The following FAM20C variants were observed in gnomAD, a reference collection of about 807,000 sequenced individuals.
FAM20C encodes the protein FAM20C golgi associated secretory pathway kinase.
FAM20C carries 40 observed loss-of-function variants against 51.5 expected under a neutral mutation model. The observed-to-expected ratio is 0.78, with a 90% CI of 0.60 to 1.01. FAM20C has a LOEUF of 1.01. Among genes scored for constraint, FAM20C ranks in the 50% least tolerant of loss-of-function variants. The pLI is 0.00. For missense variants in FAM20C, 861 were observed against 844.7 expected, an observed-to-expected ratio of 1.02 and a Z score of -0.24; for synonymous variants, 406 against 380.6, an observed-to-expected ratio of 1.07 and a Z score of -0.78.
At chr7:196,131 G>A (rs964222421) in intron 2 of FAM20C, among the ~76,000 whole-genome samples, 8 of 152,186 alleles carry the variant, frequency 5.3e-5, no homozygotes, top group African/African-American at 1.4e-4. Context: ...TTCTACACAC[G>A]ACCCTGGCTG....
At chr7:211,412 C>G (rs1373107981) in intron 3 of FAM20C, among the ~76,000 whole-genome samples, 2 of 151,272 alleles carry the variant, frequency 1.3e-5, no homozygotes, top group East Asian at 3.9e-4. Context: ...ACCTCCTCCA[C>G]CTCTTCCTCC....
chr7:234,142 G>T (rs1178326145), intron 3 of FAM20C, among the ~76,000 whole-genome samples: 1 of 152,236 alleles, frequency 6.6e-6, no homozygotes, highest in Non-Finnish European at 1.5e-5. Flanking sequence ...TGACGCCTGT[G>T]GGGCCTTCCT....
At chr7:204,527 G>C (rs989282231) in intron 2 of FAM20C, among the ~76,000 whole-genome samples, 1 of 152,252 alleles carries the variant, frequency 6.6e-6, no homozygotes, top group African/African-American at 2.4e-5. Context: ...CGGGGTGTGA[G>C]CTGTGAGCTC....
rs368818101 is a variant in FAM20C, at chr7:258,141, A to C, written c.1446-505A>C. On this transcript the variant is annotated intron_variant, in intron 8 of 9. Coordinates refer to ENST00000313766, the MANE Select transcript of FAM20C (RefSeq NM_020223.4). ...GGAGATAGGCGGGGTGGACCCACTG[A>C]CTGGGGTGCTGGAGATAGGCAGGGT... 1.0e-2 allele frequency among the ~76,000 whole-genome samples: 312 copies of C among 31,270 alleles called. 1 individual carries two copies. The highest frequency in any genetic ancestry group is 0.021 in the African/African-American group (173 of 8,234). The allele number at this position is 31,270 out of a possible 152,430, so 20.5% of individuals were successfully genotyped here. A position where few individuals can be genotyped will look rare whatever the true frequency, so the allele number is the denominator to read the frequency against.
chr7:229,658 A>G (rs983082714), intron 3 of FAM20C: 2 of 152,324 alleles, frequency 1.3e-5, no homozygotes, highest in African/African-American at 4.8e-5. Flanking sequence ...ATGGGCAGGA[A>G]GCGTGGACCG....
intron 5 of FAM20C, among the ~76,000 whole-genome samples, chr7:251,082 C>T (rs1788377221): frequency 5.3e-5 from 8 of 152,202 alleles, no homozygotes; most frequent in Admixed American, 5.2e-4. Flanking sequence ...TCCGGAACTC[C>T]TCATTTTGTT....
In FAM20C at chr7:258,294, CTGGAGATGGGT is replaced by C. The variant is rs1562401809; in HGVS notation, c.1446-351_1446-341del. Among the ~76,000 whole-genome samples the C allele has an allele frequency of 2.9e-3, 324 of 110,798 alleles. 44 individuals are homozygous for C. The highest frequency in any genetic ancestry group is 0.01 in the African/African-American group (253 of 24,790). 72.7% of individuals were successfully genotyped at this position (110,798 alleles called of 152,430 possible). A position where few individuals can be genotyped will look rare whatever the true frequency, so the allele number is the denominator to read the frequency against. ...CAGGGTGGACCCACTGCCTGGGGTGCTGGAGATGGGTGGGATGGACCCACTGCCCGGGGTGC... is the reference window on the plus strand; with the variant it reads ...CAGGGTGGACCCACTGCCTGGGGTGCGGGATGGACCCACTGCCCGGGGTGC... On this transcript the variant is annotated intron_variant, in intron 8 of 9. Transcript: ENST00000313766.
chr7:196,995 G>A (rs75876824), intron 2 of FAM20C: 4,900 of 154,690 alleles, frequency 0.032, 103 homozygotes, highest in African/African-American at 0.033. Flanking sequence ...CCCCTGCAGC[G>A]GTCTGAGGGC....
rs141104417 is a variant in FAM20C, at chr7:255,768, C to A, written c.1073-81C>A. 43,323 of 1,476,186 alleles carry A rather than the reference C, an allele frequency of 0.029. 777 individuals are homozygous for A. Among genetic ancestry groups the A allele is most frequent in the Middle Eastern group, 0.043 (245 of 5,732 alleles). The allele number at this position is 1,476,186 out of a possible 1,614,324, so 91.4% of individuals were successfully genotyped here. A position where few individuals can be genotyped will look rare whatever the true frequency, so the allele number is the denominator to read the frequency against. On this transcript the variant is annotated intron_variant, in intron 5 of 9. Transcript: ENST00000313766. ...ATGAGAAGCACCAGGCAGAGCCCGG[C>A]CCGGCCTTGGGGGCCGTGAGACCAC...
At chr7:251,813 C>T (rs1788413384) in intron 5 of FAM20C, among the ~76,000 whole-genome samples, 1 of 152,172 alleles carries the variant, frequency 6.6e-6, no homozygotes, top group African/African-American at 2.4e-5. Context: ...GCGCAAGTTT[C>T]TCCCCTGAAA....
chr7:240,402 AATGATG>A (rs1339085513), intron 3 of FAM20C, among the ~76,000 whole-genome samples: 2 of 16,394 alleles, frequency 1.2e-4, no homozygotes, highest in African/African-American at 4.2e-4. Flanking sequence ...TAATAGTGAT[AATGATG>A]ATGATGATGG....
chr7:259,941 C>T lies in FAM20C; in HGVS notation c.1716C>T (p.Asp572=), dbSNP rs377281925. The change falls in exon 10 of 10, where the codon GAC becomes GAT. Residue 572 remains aspartate, a synonymous_variant. Transcript: ENST00000313766. ...ERNGLHSVVD[D]DLDTEHRAAS... ...ACGGGCTCCACAGCGTGGTGGATGA[C>T]GACCTGGACACTGAGCACAGAGCCG... 179 of 1,529,720 alleles carry T rather than the reference C, an allele frequency of 1.2e-4. No individual in the cohort carries two copies. In the African/African-American group the frequency reaches 1.4e-3, roughly 12 times the overall value. The allele number at this position is 1,529,720 out of a possible 1,614,324, so 94.8% of individuals were successfully genotyped here.
chr7:252,495 G>C (rs781678122), intron 5 of FAM20C, among the ~76,000 whole-genome samples: 1 of 151,388 alleles, frequency 6.6e-6, no homozygotes, highest in East Asian at 1.9e-4. Context: ...CCCAACCACG[G>C]ATGCCAGGTG....
chr7:256,545 T>C, intron 6 of FAM20C, 109 bp from the exon 7 acceptor site: 1 of 897,768 alleles, frequency 1.1e-6, no homozygotes, highest in Non-Finnish European at 1.7e-6. Context: ...CGGGTCCATC[T>C]GCAGACGCCA....
intron 2 of FAM20C, among the ~76,000 whole-genome samples, chr7:196,509 C>T (rs1219015494): frequency 6.6e-6 from 1 of 152,222 alleles, no homozygotes; most frequent in East Asian, 1.9e-4. Context: ...AGCTGCTCCC[C>T]GGGGATTGCA....
In FAM20C at chr7:256,751, G is replaced by T; in HGVS notation, c.1351G>T (p.Asp451Tyr). Residue 451 changes from aspartate (D) to tyrosine (Y), a missense_variant, in exon 7 of 10, where the codon GAC (aspartate) becomes TAC (tyrosine). Coordinates refer to ENST00000313766, the MANE Select transcript of FAM20C (RefSeq NM_020223.4). ...ILDVMDMTIF[D>Y]FLMGNMDRHH... ...GGACGTCATGGACATGACGATCTTC[G>T]ACTTCCTCATGGGTACGTCCCGCAG... The T allele has an allele frequency of 6.5e-7, 1 of 1,536,100 alleles. No individual in the cohort carries two copies. Among genetic ancestry groups the T allele is most frequent in the Middle Eastern group, 1.7e-4 (1 of 5,982 alleles).
intron 3 of FAM20C, among the ~76,000 whole-genome samples, chr7:233,481 A>G (rs36173851): frequency 0.49 from 74,337 of 152,054 alleles, 20,495 homozygotes; most frequent in African/African-American, 0.76. Context: ...CAACACAAGC[A>G]TCCTCTTCCC....
chr7:258,294 C>T (rs1392135179), intron 8 of FAM20C, among the ~76,000 whole-genome samples: 5 of 110,758 alleles, frequency 4.5e-5, no homozygotes, highest in African/African-American at 1.6e-4. Context: ...GCCTGGGGTG[C>T]TGGAGATGGG....
At chr7:220,898 C>T (rs1390178181) in intron 3 of FAM20C, among the ~76,000 whole-genome samples, 1 of 152,212 alleles carries the variant, frequency 6.6e-6, no homozygotes, top group African/African-American at 2.4e-5. Flanking sequence ...GATGGTGGGC[C>T]CAGGGCACAG....
Sources: allele counts gnomAD v4.1 joint callset (sites outside exome capture counted in the v4.1 genomes callset), GRCh38; gene constraint gnomAD v4.1.1; transcripts MANE v1.5; gene names NCBI Gene and HGNC (gene_info 2026-07-23, HGNC 2026-07-21).